The following DDX43 variants were observed in gnomAD, a reference collection of about 807,000 sequenced individuals.
DDX43 encodes the protein probable ATP-dependent RNA helicase DDX43.
Under a neutral mutation model 84.9 loss-of-function variants are expected in DDX43, and 50 were observed. The ratio of observed to expected loss-of-function variants is 0.59; its 90% CI spans 0.47 to 0.75. The LOEUF (loss-of-function observed/expected upper bound fraction) is 0.75. Among genes scored for constraint, DDX43 ranks in the 30% least tolerant of loss-of-function variants. DDX43 has a pLI of 0.00. For missense variants in DDX43, 689 were observed against 798.6 expected (o/e 0.86, Z 1.65); for synonymous variants, 291 against 266.3 (o/e 1.09, Z -0.90).
At chr6:73,416,842 C>T (rs1355687640) in intron 16 of DDX43, among the ~76,000 whole-genome samples, 3 of 152,128 alleles carry the variant, frequency 2.0e-5, no homozygotes. Flanking sequence ...AGTTTGAGAC[C>T]AACCTGGCCA....
At chr6:73,402,532 C>G (rs988058594) in intron 4 of DDX43, among the ~76,000 whole-genome samples, 1 of 152,162 alleles carries the variant, frequency 6.6e-6, no homozygotes, top group Non-Finnish European at 1.5e-5. Flanking sequence ...CTTAACCTCC[C>G]AAACTGCTGG....
rs750312092 is a variant in DDX43, at chr6:73,407,139, CA to C, written c.927-363del. ...ATTGCTACAAATTTTTTTTTTGAGACAAAGTTTTGCTCTTATTGCCCAGGCT... is the reference window on the plus strand; with the variant it reads ...ATTGCTACAAATTTTTTTTTTGAGACAAGTTTTGCTCTTATTGCCCAGGCT... On this transcript the variant is annotated intron_variant, in intron 7 of 16. Transcript: ENST00000370336. The C allele has an allele frequency of 6.0e-4, 95 of 159,030 alleles. 1 individual carries two copies. Among genetic ancestry groups the C allele is most frequent in the Admixed American group, 2.8e-3 (44 of 15,966 alleles). The allele number at this position is 159,030 out of a possible 1,614,324, so 9.9% of individuals were successfully genotyped here. A position where few individuals can be genotyped will look rare whatever the true frequency, so the allele number is the denominator to read the frequency against.
At chr6:73,412,668 T>TGTGTGTGCGTGC (rs538597626) in intron 11 of DDX43, among the ~76,000 whole-genome samples, 4 of 108,466 alleles carry the variant, frequency 3.7e-5, no homozygotes, top group African/African-American at 7.9e-5. Context: ...TGTGTGTGTG[T>TGTGTGTGCGTGC]GCGCGCGCGC....
chr6:73,413,834 G>A (rs1243565245), intron 12 of DDX43, 49 bp downstream of exon 12: 2 of 1,577,918 alleles, frequency 1.3e-6, no homozygotes, highest in African/African-American at 1.4e-5. Flanking sequence ...AATTGATTAG[G>A]ATCATTTCTA....
chr6:73,402,253 C>T (rs1769592129), intron 4 of DDX43, among the ~76,000 whole-genome samples: 1 of 151,830 alleles, frequency 6.6e-6, no homozygotes, highest in Non-Finnish European at 1.5e-5. Context: ...AAATCAGTCC[C>T]AATGGGAAAA....
chr6:73,403,794 C>T (rs1416865422), intron 4 of DDX43, among the ~76,000 whole-genome samples: 2 of 151,488 alleles, frequency 1.3e-5, no homozygotes, highest in African/African-American at 2.4e-5. Context: ...GGACTACAGG[C>T]ACATACCACC....
At chr6:73,414,490 A>T in intron 13 of DDX43, 58 bp from the exon 14 acceptor site, 1 of 1,367,834 alleles carries the variant, frequency 7.3e-7, no homozygotes, top group Non-Finnish European at 1.0e-6. Flanking sequence ...TATTATTTTT[A>T]GATCTTGGGT....
At chr6:73,411,153 G>C (rs1391432868) in intron 10 of DDX43, among the ~76,000 whole-genome samples, 2 of 133,898 alleles carry the variant, frequency 1.5e-5, no homozygotes, top group African/African-American at 5.6e-5. Context: ...TCCAACCTGG[G>C]TGACAGAGCA....
At chr6:73,399,214 TG>T (rs1769525753) in intron 2 of DDX43, among the ~76,000 whole-genome samples, 1 of 152,218 alleles carries the variant, frequency 6.6e-6, no homozygotes, top group Non-Finnish European at 1.5e-5. Context: ...CCCAAAGTGC[TG>T]GGATTACAGG....
chr6:73,401,994 A>C lies in DDX43; in HGVS notation c.568+4A>C. 1.2e-6 allele frequency: 2 copies of C among 1,613,604 alleles called. No individual in the cohort carries two copies. Among genetic ancestry groups the C allele is most frequent in the African/African-American group, 1.3e-5 (1 of 75,030 alleles). On this transcript the variant is annotated splice_donor_region_variant and intron_variant, in intron 4 of 16. Transcript: ENST00000370336. Reference sequence around the variant, plus strand: ...TGGCAAAAAACAAAGTGGGCAGGTCAGTGCTGCTTCCTAATATTTACATAT... The same window carrying C: ...TGGCAAAAAACAAAGTGGGCAGGTCCGTGCTGCTTCCTAATATTTACATAT...
intron 10 of DDX43, among the ~76,000 whole-genome samples, chr6:73,411,275 C>T (rs1410670274): frequency 6.6e-6 from 1 of 151,150 alleles, no homozygotes; most frequent in Non-Finnish European, 1.5e-5. Context: ...TTTATAAAGG[C>T]CAGGAGATAA....
In DDX43 at chr6:73,412,678, CGTGT is replaced by C. The variant is rs1554236194; in HGVS notation, c.1368+396_1368+399del. ...GTGTGTGTGTGTGTGTGCGCGCGCG[CGTGT>C]GTGTGTGTGCGCGTGCGTGCGCACG... is the stretch of plus-strand genomic sequence containing the variant. On this transcript the variant is annotated intron_variant, in intron 11 of 16. Coordinates refer to ENST00000370336, the MANE Select transcript of DDX43 (RefSeq NM_018665.3). Among the ~76,000 whole-genome samples the C allele has an allele frequency of 8.6e-4, 66 of 76,500 alleles. 5 individuals are homozygous for C. The South Asian group carries it at 0.028, about 33-fold the overall frequency. The allele number at this position is 76,500 out of a possible 152,430, so 50.2% of individuals were successfully genotyped here. A position where few individuals can be genotyped will look rare whatever the true frequency, so the allele number is the denominator to read the frequency against.
At chr6:73,397,557 AC>A (rs1769495370) in intron 1 of DDX43, 131 bp from the exon 2 acceptor site, 1 of 728,058 alleles carries the variant, frequency 1.4e-6, no homozygotes, top group Admixed American at 2.6e-5. Flanking sequence ...CTCTTTCCAA[AC>A]AAAAAATGAT....
chr6:73,411,253 A>AT (rs975685748), intron 10 of DDX43, among the ~76,000 whole-genome samples: 4 of 150,378 alleles, frequency 2.7e-5, no homozygotes, highest in African/African-American at 4.9e-5. Context: ...AAAAATTGGA[A>AT]TTTTTTTGTC....
intron 4 of DDX43, among the ~76,000 whole-genome samples, chr6:73,404,283 G>A (rs1769632692): frequency 6.6e-6 from 1 of 151,750 alleles, no homozygotes; most frequent in African/African-American, 2.4e-5. Context: ...TAGTAGAGAT[G>A]GGTTTCACCA....
intron 6 of DDX43, among the ~76,000 whole-genome samples, 180 bp from the exon 7 acceptor site, chr6:73,406,184 C>A (rs1769679282): frequency 7.2e-6 from 1 of 138,926 alleles, no homozygotes; most frequent in Admixed American, 7.9e-5. Flanking sequence ...CCACCACGCC[C>A]AGCTAATTTT....
rs1769515756 is a variant in DDX43, at chr6:73,398,623, A to C, written c.306+879A>C. On this transcript the variant is annotated intron_variant, in intron 2 of 16. Transcript: ENST00000370336. ...GGAATATTCGGAGGTAAAAATCGTT[A>C]GAGATAATCTGCATAAGAATGAGAT... 2.6e-5 allele frequency among the ~76,000 whole-genome samples: 4 copies of C among 152,182 alleles called. No individual in the cohort carries two copies. In the South Asian group the frequency reaches 8.3e-4, roughly 31 times the overall value.
chr6:73,404,229 G>A (rs560088637), intron 4 of DDX43, among the ~76,000 whole-genome samples: 110 of 152,196 alleles, frequency 7.2e-4, no homozygotes, highest in Middle Eastern at 6.8e-3. Flanking sequence ...GGGATTACAG[G>A]CATGCGCCAC....
chr6:73,415,055 T>G (rs1452525085), intron 14 of DDX43, among the ~76,000 whole-genome samples: 1 of 152,108 alleles, frequency 6.6e-6, no homozygotes. Context: ...CCTAGCACTT[T>G]GGGAGGCCGA....
Sources: allele counts gnomAD v4.1 joint callset (sites outside exome capture counted in the v4.1 genomes callset), GRCh38; gene constraint gnomAD v4.1.1; transcripts MANE v1.5; gene names NCBI Gene and HGNC (gene_info 2026-07-23, HGNC 2026-07-21).